RAX: variants seen among roughly 807,000 people sequenced by gnomAD.
RAX encodes the protein retinal homeobox protein Rx.
A neutral mutation model predicts 17.4 loss-of-function variants in RAX; 11 were observed. The observed-to-expected ratio is 0.63, with a 90% CI of 0.40 to 1.05. The LOEUF (loss-of-function observed/expected upper bound fraction) is 1.05. Ranked by LOEUF, RAX falls within the 50% of genes least tolerant of loss-of-function variation. The pLI is 0.00. For synonymous variants in RAX, 276 were observed against 254.7 expected, an observed-to-expected ratio of 1.08 and a Z score of -0.80; for missense variants, 527 against 501.1, an observed-to-expected ratio of 1.05 and a Z score of -0.49.
At chr18:59,270,995 AGGTC>A (rs2070334000) in intron 2 of RAX, among the ~76,000 whole-genome samples, 1 of 152,146 alleles carries the variant, frequency 6.6e-6, no homozygotes, top group Admixed American at 6.5e-5. Context: ...TGAAGGATTG[AGGTC>A]GGTTATTGCA....
rs1475014760 is a variant in RAX, at chr18:59,267,643, C to CG, written c.*1360_*1361insC. ...TTGTGGGGTGGACGCCCCCCCCCCC[C>CG]CCGTGCCAGGACCTGTTGGCGGGCA... On this transcript the variant is annotated 3_prime_UTR_variant, in exon 3 of 3. Transcript: ENST00000334889. 3 of 148,766 alleles carry CG rather than the reference C, an allele frequency of 2.0e-5. No individual in the cohort carries two copies. The highest frequency in any genetic ancestry group is 7.4e-5 in the African/African-American group (3 of 40,604). 9.2% of individuals were successfully genotyped at this position (148,766 alleles called of 1,614,324 possible).
Position 59,272,814 on chromosome 18 carries a change from C to A in RAX, c.289+104G>T, listed in dbSNP as rs2070350137. On this transcript the variant is annotated intron_variant, in intron 1 of 2. Coordinates refer to ENST00000334889, the MANE Select transcript of RAX (RefSeq NM_013435.3). Reference sequence around the variant, plus strand: ...CCGCCATAGACGGTCCCCAACCCCGCGCCCAGTTGCCTTAATAAAAGTTAA... The same window carrying A: ...CCGCCATAGACGGTCCCCAACCCCGAGCCCAGTTGCCTTAATAAAAGTTAA... 2.1e-6 allele frequency: 3 copies of A among 1,433,826 alleles called. No individual in the cohort carries two copies. In the Admixed American group the frequency reaches 7.4e-5, roughly 35 times the overall value. 88.8% of individuals were successfully genotyped at this position (1,433,826 alleles called of 1,614,324 possible).
intron 1 of RAX, 66 bp from the exon 2 acceptor site, chr18:59,272,680 C>T: frequency 6.6e-7 from 1 of 1,522,452 alleles, no homozygotes; most frequent in Non-Finnish European, 8.8e-7. Flanking sequence ...GACCCCGCCT[C>T]GCTGTGGGCA....
rs566801332 is a variant in RAX, at chr18:59,268,605, G to C, written c.*399C>G. 3.0e-4 allele frequency: 88 copies of C among 289,718 alleles called. No individual in the cohort carries two copies. The highest frequency in any genetic ancestry group is 1.8e-3 in the African/African-American group (82 of 45,824). 17.9% of individuals were successfully genotyped at this position (289,718 alleles called of 1,614,324 possible). A position where few individuals can be genotyped will look rare whatever the true frequency, so the allele number is the denominator to read the frequency against. On this transcript the variant is annotated 3_prime_UTR_variant, in exon 3 of 3. Transcript: ENST00000334889. The surrounding 1 kb of genome is among the most constrained non-coding windows in gnomAD (Gnocchi z 4.4). ...AAAGTTTCTCAAACTCTATTTTTCC[G>C]CCTCCCCTGCTTCCCTGTTATGGTT...
At position 59,269,494 on chromosome 18, in the gene RAX, A is replaced by G; in HGVS notation, c.551T>C (p.Phe184Ser). The change falls in exon 3 of 3, where the codon TTC (phenylalanine) becomes TCC (serine). Residue 184 changes from phenylalanine (F) to serine (S), a missense_variant. Coordinates refer to ENST00000334889, the MANE Select transcript of RAX (RefSeq NM_013435.3). ...NLPEVRVQVW[F>S]QNRRAKWRRQ... ...CCGCCACTTAGCCCGTCGGTTCTGG[A>G]ACCACACCTGCAGGAGAGAGCACAG... is the stretch of plus-strand genomic sequence containing the variant. 6.3e-7 allele frequency: 1 copy of G among 1,596,564 alleles called. No homozygotes were observed. The highest frequency in any genetic ancestry group is 1.7e-4 in the Middle Eastern group (1 of 6,052).
chr18:59,272,562 C>T lies in RAX; in HGVS notation c.342G>A (p.Gly114=), dbSNP rs528432057. ...CGCCGGTGGCTGGCCCGACGGGCAGCCCTGGGCTCGGCCGTGCCTCCCCGG... is the reference window on the plus strand; with the variant it reads ...CGCCGGTGGCTGGCCCGACGGGCAGTCCTGGGCTCGGCCGTGCCTCCCCGG... ...KEPGEARPSP[G]LPVGPATGEA... is the part of the protein sequence containing the mutation. Residue 114 remains glycine, a synonymous_variant, in exon 2 of 3, where the codon GGG becomes GGA. Transcript: ENST00000334889. The T allele has an allele frequency of 6.2e-7, 1 of 1,614,058 alleles. No homozygotes were observed. Among genetic ancestry groups the T allele is most frequent in the South Asian group, 1.1e-5 (1 of 91,084 alleles).
chr18:59,271,970 C>G (rs2070341366), intron 2 of RAX, among the ~76,000 whole-genome samples: 3 of 152,338 alleles, frequency 2.0e-5, no homozygotes, highest in Admixed American at 2.0e-4. Context: ...GTATTCGCAG[C>G]TAGTGACGAG....
chr18:59,267,748 T>C lies in RAX; in HGVS notation c.*1256A>G, dbSNP rs1333766177. 1 of 151,382 alleles carries C rather than the reference T, an allele frequency of 6.6e-6. No homozygotes were observed. The highest frequency in any genetic ancestry group is 1.5e-5 in the Non-Finnish European group (1 of 67,950). 9.4% of individuals were successfully genotyped at this position (151,382 alleles called of 1,614,324 possible). A position where few individuals can be genotyped will look rare whatever the true frequency, so the allele number is the denominator to read the frequency against. Reference sequence around the variant, plus strand: ...ACGCTCAGGCGGGAGTCCGGGACTCTCCTTCTTCAGAGAGTCTCAGGAGAT... The same window carrying C: ...ACGCTCAGGCGGGAGTCCGGGACTCCCCTTCTTCAGAGAGTCTCAGGAGAT... On this transcript the variant is annotated 3_prime_UTR_variant, in exon 3 of 3. Transcript: ENST00000334889.
chr18:59,272,984 T>C lies in RAX; in HGVS notation c.223A>G (p.Lys75Glu), dbSNP rs1437384326. The C allele has an allele frequency of 3.9e-6, 6 of 1,522,716 alleles. No individual in the cohort carries two copies. Among genetic ancestry groups the C allele is most frequent in the African/African-American group, 2.8e-5 (2 of 70,776 alleles). 94.3% of individuals were successfully genotyped at this position (1,522,716 alleles called of 1,614,324 possible). A position where few individuals can be genotyped will look rare whatever the true frequency, so the allele number is the denominator to read the frequency against. The change falls in exon 1 of 3, where the codon AAG (lysine) becomes GAG (glutamate). Residue 75 changes from lysine to glutamate, a missense_variant. Transcript: ENST00000334889. The part of the protein sequence containing the change: ...RRLGARPACP[K>E]APEEGSEPSP... ...GGCTCGGAGCCTTCCTCGGGCGCCTTGGGGCAGGCGGGCCGCGCGCCCAGC... is the reference window on the plus strand; with the variant it reads ...GGCTCGGAGCCTTCCTCGGGCGCCTCGGGGCAGGCGGGCCGCGCGCCCAGC...
chr18:59,271,204 G>T (rs1167239747), intron 2 of RAX, among the ~76,000 whole-genome samples: 2 of 152,212 alleles, frequency 1.3e-5, no homozygotes, highest in Non-Finnish European at 2.9e-5. Context: ...AAGTAATGAG[G>T]GAGGATGCAG....
chr18:59,273,378 G>T lies in RAX; in HGVS notation c.-172C>A. The T allele has an allele frequency of 1.5e-6, 1 of 683,190 alleles. No homozygotes were observed. The highest frequency in any genetic ancestry group is 2.3e-6 in the Non-Finnish European group (1 of 435,186). 42.3% of individuals were successfully genotyped at this position (683,190 alleles called of 1,614,324 possible). On this transcript the variant is annotated 5_prime_UTR_variant, in exon 1 of 3. Transcript: ENST00000334889. ...GGGGTGGCCGAGCGCTCAGCCCGCT[G>T]CCGCCTTAGTCCCAGAAGTCGGAAG... is the stretch of plus-strand genomic sequence containing the variant.
chr18:59,269,904 G>A (rs9964861), intron 2 of RAX, among the ~76,000 whole-genome samples: 35,664 of 151,880 alleles, frequency 0.23, 4,601 homozygotes, highest in Non-Finnish European at 0.3. Flanking sequence ...AAAAAAAAGT[G>A]AATTTAACTC....
chr18:59,268,917 C>A lies in RAX; in HGVS notation c.*87G>T. 6.2e-7 allele frequency: 1 copy of A among 1,601,374 alleles called. No individual in the cohort carries two copies. The highest frequency in any genetic ancestry group is 8.5e-7 in the Non-Finnish European group (1 of 1,172,774). On this transcript the variant is annotated 3_prime_UTR_variant, in exon 3 of 3. Transcript: ENST00000334889. This position sits in a 1 kb window ranked among gnomAD's most constrained non-coding sequence, Gnocchi z 4.4. ...AGGCGACAGGGAAAGAGGGGCCGAG[C>A]TGGGGAGGGGGGTTGTCCCTGGGAG...
chr18:59,271,947 C>A (rs945957485), intron 2 of RAX, among the ~76,000 whole-genome samples: 1 of 152,206 alleles, frequency 6.6e-6, no homozygotes, highest in Non-Finnish European at 1.5e-5. Context: ...ACAGGGTTTT[C>A]GTTTCCAACT....
At chr18:59,271,925 C>A (rs1161422782) in intron 2 of RAX, among the ~76,000 whole-genome samples, 2 of 152,204 alleles carry the variant, frequency 1.3e-5, no homozygotes, top group Non-Finnish European at 2.9e-5. Flanking sequence ...GTGCCAGGCC[C>A]TTCGCAAGGA....
chr18:59,269,731 TCTCTCTC>T (rs796096721), intron 2 of RAX, among the ~76,000 whole-genome samples: 94 of 106,994 alleles, frequency 8.8e-4, no homozygotes, highest in African/African-American at 3.0e-3. Flanking sequence ...TCTCTCTCTC[TCTCTCTC>T]TTTTTTTTTT....
intron 2 of RAX, among the ~76,000 whole-genome samples, chr18:59,270,969 G>A (rs2070333709): frequency 6.6e-6 from 1 of 152,140 alleles, no homozygotes; most frequent in Non-Finnish European, 1.5e-5. Context: ...CAGATCTAGT[G>A]TCCCAGGTTA....
In RAX at chr18:59,269,113, T is replaced by C. The variant is rs771327640; in HGVS notation, c.932A>G (p.Asp311Gly). 1.9e-6 allele frequency: 3 copies of C among 1,609,884 alleles called. No individual in the cohort carries two copies. Among genetic ancestry groups the C allele is most frequent in the African/African-American group, 1.3e-5 (1 of 74,844 alleles). ...GTCCGCCTCGTCCAGCGGGAACTTG[T>C]CCCCGAAGCCGGGCCCGCACGGGTA... ...PSYPCGPGFG[D>G]KFPLDEADPR... The change falls in exon 3 of 3, where the codon GAC becomes GGC. Residue 311 changes from aspartate (D) to glycine (G), a missense_variant. Coordinates refer to ENST00000334889, the MANE Select transcript of RAX (RefSeq NM_013435.3).
rs1018813380 is a variant in RAX, at chr18:59,273,412, C to T, written c.-206G>A. Reference sequence around the variant, plus strand: ...GTCCCAGAAGTCGGAAGTTCGGGCTCGGGGTAGCTGGGGCTCTCGGCGCTA... The same window carrying T: ...GTCCCAGAAGTCGGAAGTTCGGGCTTGGGGTAGCTGGGGCTCTCGGCGCTA... On this transcript the variant is annotated 5_prime_UTR_variant, in exon 1 of 3. Coordinates refer to ENST00000334889, the MANE Select transcript of RAX (RefSeq NM_013435.3). The T allele has an allele frequency of 8.5e-6, 5 of 586,212 alleles. No individual in the cohort carries two copies. The highest frequency in any genetic ancestry group is 1.4e-5 in the Non-Finnish European group (5 of 348,396). 36.3% of individuals were successfully genotyped at this position (586,212 alleles called of 1,614,324 possible). A position where few individuals can be genotyped will look rare whatever the true frequency, so the allele number is the denominator to read the frequency against.
Sources: allele counts gnomAD v4.1 joint callset (sites outside exome capture counted in the v4.1 genomes callset), GRCh38; gene constraint gnomAD v4.1.1; non-coding constraint Gnocchi (gnomAD v3.1); transcripts MANE v1.5; gene names NCBI Gene and HGNC (gene_info 2026-07-23, HGNC 2026-07-21).